CDH11: variants seen among roughly 807,000 people sequenced by gnomAD.
CDH11 encodes the protein cadherin 11, also known as cadherin-11.
CDH11 carries 11 observed loss-of-function variants against 67.8 expected under a neutral mutation model. The observed-to-expected ratio is 0.16, with a 90% CI of 0.10 to 0.27. The LOEUF is 0.27. Ranked by LOEUF, CDH11 falls within the 10% of genes least tolerant of loss-of-function variation. CDH11 has a pLI of 1.00. For synonymous variants in CDH11, 419 were observed against 400.0 expected, an observed-to-expected ratio of 1.05 and a Z score of -0.57; for missense variants, 847 against 1,031.2, an observed-to-expected ratio of 0.82 and a Z score of 2.45.
chr16:65,104,710 T>A (rs2075041215), intron 1 of CDH11, among the ~76,000 whole-genome samples: 1 of 152,118 alleles, frequency 6.6e-6, no homozygotes, highest in African/African-American at 2.4e-5. Flanking sequence ...AAGGAGACAA[T>A]GAATGTGAAG....
intron 1 of CDH11, among the ~76,000 whole-genome samples, chr16:65,081,235 G>T (rs2074603804): frequency 1.3e-5 from 2 of 152,250 alleles, no homozygotes; most frequent in Non-Finnish European, 2.9e-5. Flanking sequence ...GCCATTCAGT[G>T]CAATGGCCAT....
chr16:65,098,167 G>A (rs2074931379), intron 1 of CDH11, among the ~76,000 whole-genome samples: 1 of 152,070 alleles, frequency 6.6e-6, no homozygotes, highest in South Asian at 2.1e-4. Flanking sequence ...TGACCAATGG[G>A]TATCTTCAGG....
Position 64,946,767 on chromosome 16 carries a change from A to C in CDH11, c.*836T>G. ...CTTAACGTTTGTTTCAATGTTAAGA[A>C]TCAAACCCAGAATTAAAAAAAAATC... On this transcript the variant is annotated 3_prime_UTR_variant, in exon 13 of 13. Coordinates refer to ENST00000268603, the MANE Select transcript of CDH11 (RefSeq NM_001797.4). 1 of 901,726 alleles carries C rather than the reference A, an allele frequency of 1.1e-6. No individual in the cohort carries two copies. The highest frequency in any genetic ancestry group is 1.3e-6 in the Non-Finnish European group (1 of 742,292). The allele number at this position is 901,726 out of a possible 1,614,324, so 55.9% of individuals were successfully genotyped here.
At chr16:65,017,722 C>A (rs1242793967) in intron 2 of CDH11, among the ~76,000 whole-genome samples, 1 of 152,072 alleles carries the variant, frequency 6.6e-6, no homozygotes, top group Non-Finnish European at 1.5e-5. Context: ...AATTAGAATA[C>A]TCAACTAGAT....
intron 2 of CDH11, among the ~76,000 whole-genome samples, chr16:65,041,232 C>T (rs1043074437): frequency 1.3e-5 from 2 of 152,176 alleles, no homozygotes; most frequent in African/African-American, 4.8e-5. Context: ...TCTTTCTCCT[C>T]CAGCACCTCA....
rs1225412576 is a variant in CDH11 at position 65,121,669 on chromosome 16, GCGCCCA to G, written c.-298+205_-298+210del. Among the ~76,000 whole-genome samples, 3 of 152,290 alleles carry G rather than the reference GCGCCCA, an allele frequency of 2.0e-5. No individual in the cohort carries two copies. The South Asian group carries it at 6.2e-4, about 32-fold the overall frequency. On this transcript the variant is annotated intron_variant, in intron 1 of 12. Transcript: ENST00000268603. The surrounding 1 kb of genome is among the most constrained non-coding windows in gnomAD (Gnocchi z 4.1). ...GAAGCCTCCGTCCCCTGCTTTGCCC[GCGCCCA>G]CAGCTGGCTCCCTTCTCCCTTTCTG...
chr16:65,081,400 C>G (rs1332351480), intron 1 of CDH11, among the ~76,000 whole-genome samples: 1 of 151,938 alleles, frequency 6.6e-6, no homozygotes, highest in East Asian at 2.0e-4. Context: ...AACTCCCTCT[C>G]TACCAAAAAT....
intron 4 of CDH11, among the ~76,000 whole-genome samples, chr16:64,994,371 C>T (rs535796736): frequency 4.6e-5 from 7 of 152,308 alleles, no homozygotes; most frequent in Admixed American, 1.3e-4. Flanking sequence ...TTGTATTTCA[C>T]ATCTATTTCA....
At chr16:65,023,297 C>T (rs2073463420) in intron 2 of CDH11, among the ~76,000 whole-genome samples, 1 of 152,154 alleles carries the variant, frequency 6.6e-6, no homozygotes, top group Non-Finnish European at 1.5e-5. Flanking sequence ...CGAGTTGAAT[C>T]TGGACAAAGG....
At chr16:65,000,450 T>C (rs994048789) in intron 3 of CDH11, among the ~76,000 whole-genome samples, 1 of 152,178 alleles carries the variant, frequency 6.6e-6, no homozygotes, top group Non-Finnish European at 1.5e-5. Flanking sequence ...TTCTACCTAC[T>C]AAATAAGAAA....
intron 2 of CDH11, among the ~76,000 whole-genome samples, chr16:65,030,246 C>A (rs1429067886): frequency 6.6e-6 from 1 of 152,136 alleles, no homozygotes; most frequent in Non-Finnish European, 1.5e-5. Context: ...AATTTAGATT[C>A]AAATAAACAG....
chr16:65,025,139 C>A (rs573023231), intron 2 of CDH11, among the ~76,000 whole-genome samples: 7 of 152,260 alleles, frequency 4.6e-5, no homozygotes, highest in African/African-American at 1.7e-4. Context: ...ACTCACTTCC[C>A]CTCTCTGAGT....
intron 1 of CDH11, among the ~76,000 whole-genome samples, chr16:65,102,623 C>G (rs541732780): frequency 2.0e-5 from 3 of 152,326 alleles, no homozygotes; most frequent in African/African-American, 7.2e-5. Context: ...AACATATGCT[C>G]TTGAGATTTA....
At chr16:65,075,328 G>C (rs1287434541) in intron 1 of CDH11, among the ~76,000 whole-genome samples, 2 of 152,208 alleles carry the variant, frequency 1.3e-5, no homozygotes, top group African/African-American at 2.4e-5. Flanking sequence ...TGTGGCAGTG[G>C]CCTTTCAGAC....
At chr16:65,062,882 G>A (rs1597148542) in intron 1 of CDH11, among the ~76,000 whole-genome samples, 1 of 152,152 alleles carries the variant, frequency 6.6e-6, no homozygotes, top group East Asian at 1.9e-4. Flanking sequence ...TTTTCTTCAG[G>A]CACAAATTTG....
At chr16:64,984,015 A>G (rs2142466909) in intron 7 of CDH11, among the ~76,000 whole-genome samples, 1 of 152,262 alleles carries the variant, frequency 6.6e-6, no homozygotes, top group East Asian at 1.9e-4. Flanking sequence ...GTTGAGGATA[A>G]TATCCTCATG....
intron 2 of CDH11, among the ~76,000 whole-genome samples, chr16:65,021,048 C>T (rs1370652494): frequency 6.6e-6 from 1 of 152,050 alleles, no homozygotes; most frequent in Non-Finnish European, 1.5e-5. Context: ...GAAGTCTTAC[C>T]CCTCATTGGG....
chr16:64,994,843 A>T (rs2142500780), intron 4 of CDH11, among the ~76,000 whole-genome samples: 1 of 152,326 alleles, frequency 6.6e-6, no homozygotes, highest in African/African-American at 2.4e-5. Context: ...CTTAGAACTG[A>T]TCAACAACTT....
chr16:64,995,973 C>A (rs1322622138), intron 4 of CDH11, among the ~76,000 whole-genome samples: 2 of 152,022 alleles, frequency 1.3e-5, no homozygotes, highest in African/African-American at 4.8e-5. Context: ...ATGCAAATGG[C>A]TTACAAATAT....
Sources: allele counts gnomAD v4.1 joint callset (sites outside exome capture counted in the v4.1 genomes callset), GRCh38; gene constraint gnomAD v4.1.1; non-coding constraint Gnocchi (gnomAD v3.1); transcripts MANE v1.5; gene names NCBI Gene and HGNC (gene_info 2026-07-23, HGNC 2026-07-21).